The following SWT1 variants were observed in gnomAD, a reference collection of about 807,000 sequenced individuals.
The protein encoded by SWT1 is transcriptional protein SWT1.
In SWT1, 33 loss-of-function variants were observed where a neutral mutation model predicts 107.3. That is an observed-to-expected ratio of 0.31 (90% CI 0.23 to 0.41). The LOEUF is 0.41. Among genes scored for constraint, SWT1 ranks in the 10% least tolerant of loss-of-function variants. The pLI is 1.00. For synonymous variants in SWT1, 345 were observed against 348.3 expected (o/e 0.99, Z 0.11); for missense variants, 898 against 1,028.9 (o/e 0.87, Z 1.74).
At chr1:185,189,981 G>A (rs1251574073) in intron 9 of SWT1, among the ~76,000 whole-genome samples, 3 of 151,666 alleles carry the variant, frequency 2.0e-5, no homozygotes, top group Admixed American at 6.6e-5. Flanking sequence ...CCCAGTAGCT[G>A]GGATTACAGG....
At chr1:185,184,997 G>A in intron 9 of SWT1, 66 bp downstream of exon 9, 1 of 1,127,996 alleles carries the variant, frequency 8.9e-7, no homozygotes, top group Non-Finnish European at 1.2e-6. Context: ...CATTATTGGA[G>A]GGAAATGGTG....
At chr1:185,190,488 A>G in intron 9 of SWT1, 61 bp from the exon 10 acceptor site, 1 of 946,676 alleles carries the variant, frequency 1.1e-6, no homozygotes, top group Non-Finnish European at 1.7e-6. Context: ...AGCCTAGATT[A>G]TTTCTGTGTC....
chr1:185,212,072 G>C (rs1367315101), intron 13 of SWT1, among the ~76,000 whole-genome samples: 1 of 151,756 alleles, frequency 6.6e-6, no homozygotes, highest in Admixed American at 6.6e-5. Flanking sequence ...GGGGGGAGTG[G>C]GGAGGGACAG....
chr1:185,184,441 A>G, intron 8 of SWT1, 97 bp downstream of exon 8: 1 of 744,146 alleles, frequency 1.3e-6, no homozygotes, highest in South Asian at 1.6e-5. Flanking sequence ...ACATGTCTCC[A>G]TTTAGATATG....
intron 2 of SWT1, among the ~76,000 whole-genome samples, chr1:185,163,434 C>A (rs1460068742): frequency 6.7e-6 from 1 of 148,794 alleles, no homozygotes; most frequent in Non-Finnish European, 1.5e-5. Context: ...CACTGTGTCT[C>A]CCAGGCTGGA....
At chr1:185,221,194 T>A (rs1659633334) in intron 14 of SWT1, among the ~76,000 whole-genome samples, 1 of 152,240 alleles carries the variant, frequency 6.6e-6, no homozygotes, top group South Asian at 2.1e-4. Flanking sequence ...ATCTAGTCTT[T>A]GGCCAAGTCT....
At chr1:185,264,457 T>C in intron 16 of SWT1, 1 of 984,338 alleles carries the variant, frequency 1.0e-6, no homozygotes, top group Non-Finnish European at 1.2e-6. Flanking sequence ...ATGTGATAAT[T>C]TGTGGTGTTT....
At position 185,290,974 on chromosome 1, in the gene SWT1, A is replaced by C. The variant is rs539302969; in HGVS notation, c.*171A>C. Reference sequence around the variant, plus strand: ...GTCTCATTGTAGCTCTAAAAAGCCTAATGTATCCACTGTGGAATAAACTCC... The same window carrying C: ...GTCTCATTGTAGCTCTAAAAAGCCTCATGTATCCACTGTGGAATAAACTCC... On this transcript the variant is annotated 3_prime_UTR_variant, in exon 19 of 19. Transcript: ENST00000367500. 9.1e-6 allele frequency: 4 copies of C among 437,182 alleles called. No individual in the cohort carries two copies. Among genetic ancestry groups the C allele is most frequent in the African/African-American group, 8.2e-5 (4 of 48,854 alleles). The allele number at this position is 437,182 out of a possible 1,614,324, so 27.1% of individuals were successfully genotyped here.
chr1:185,174,288 C>A, intron 4 of SWT1, 84 bp from the exon 5 acceptor site: 1 of 1,109,148 alleles, frequency 9.0e-7, no homozygotes, highest in Non-Finnish European at 1.2e-6. Context: ...AATGTCAGCC[C>A]AATTCTGTTA....
intron 12 of SWT1, among the ~76,000 whole-genome samples, chr1:185,205,223 A>G (rs1658238573): frequency 6.6e-6 from 1 of 152,196 alleles, no homozygotes; most frequent in African/African-American, 2.4e-5. Context: ...AAAAAGAAGT[A>G]TGTATTTTTG....
intron 14 of SWT1, among the ~76,000 whole-genome samples, chr1:185,217,133 C>T (rs1659284178): frequency 6.6e-6 from 1 of 152,268 alleles, no homozygotes; most frequent in South Asian, 2.1e-4. Context: ...TACTTGAAAC[C>T]ATCCACGCTG....
chr1:185,259,091 A>G (rs1236892970), intron 16 of SWT1, among the ~76,000 whole-genome samples: 1 of 152,144 alleles, frequency 6.6e-6, no homozygotes, highest in African/African-American at 2.4e-5. Flanking sequence ...ATCACTTAAA[A>G]TGTACATAAT....
At chr1:185,207,871 G>A (rs1012112410) in intron 13 of SWT1, among the ~76,000 whole-genome samples, 3 of 151,990 alleles carry the variant, frequency 2.0e-5, no homozygotes, top group Admixed American at 6.6e-5. Flanking sequence ...ACTGCACTCC[G>A]GCCTGGGCAA....
rs1008395289 is a variant in SWT1 at position 185,275,667 on chromosome 1, G to T, written c.2509-937G>T. Among the ~76,000 whole-genome samples, 3 of 151,846 alleles carry T rather than the reference G, an allele frequency of 2.0e-5. No individual in the cohort carries two copies. In the South Asian group the frequency reaches 6.2e-4, roughly 32 times the overall value. ...TCCAAAGTGCTGGGATTACAGGCAT[G>T]AGCTGTTGCACCTGGCCAAAAAAAC... On this transcript the variant is annotated intron_variant, in intron 17 of 18. Coordinates refer to ENST00000367500, the MANE Select transcript of SWT1 (RefSeq NM_017673.7).
chr1:185,287,110 C>A (rs1664992216), intron 18 of SWT1, among the ~76,000 whole-genome samples: 1 of 152,002 alleles, frequency 6.6e-6, no homozygotes, highest in Non-Finnish European at 1.5e-5. Flanking sequence ...CCATTATAGA[C>A]CTCATTCTTG....
intron 7 of SWT1, among the ~76,000 whole-genome samples, chr1:185,183,686 G>T (rs1656217443): frequency 6.6e-6 from 1 of 152,146 alleles, no homozygotes; most frequent in African/African-American, 2.4e-5. Context: ...ATCCATGACA[G>T]AAGTTAGAAA....
At chr1:185,220,852 G>A (rs558631825) in intron 14 of SWT1, among the ~76,000 whole-genome samples, 7 of 152,272 alleles carry the variant, frequency 4.6e-5, no homozygotes, top group South Asian at 2.1e-4. Flanking sequence ...CATTAGCAAC[G>A]CATAAGTTAA....
intron 15 of SWT1, among the ~76,000 whole-genome samples, chr1:185,228,685 T>C (rs992379205): frequency 6.6e-6 from 1 of 152,196 alleles, no homozygotes; most frequent in Non-Finnish European, 1.5e-5. Flanking sequence ...CATTTGATCA[T>C]GACGCCTTAA....
chr1:185,263,030 A>G (rs994003899), intron 16 of SWT1, among the ~76,000 whole-genome samples: 3 of 151,114 alleles, frequency 2.0e-5, no homozygotes, highest in African/African-American at 7.3e-5. Flanking sequence ...CAAGTGATTC[A>G]CCCGCCTCAG....
Sources: allele counts gnomAD v4.1 joint callset (sites outside exome capture counted in the v4.1 genomes callset), GRCh38; gene constraint gnomAD v4.1.1; transcripts MANE v1.5; gene names NCBI Gene and HGNC (gene_info 2026-07-23, HGNC 2026-07-21).